Variants in RCAN3 observed in about 807,000 individuals in gnomAD.
RCAN3 encodes the protein regulator of calcineurin 3, also known as calcipressin-3.
Under a neutral mutation model 21.9 loss-of-function variants are expected in RCAN3, and 19 were observed. That is an observed-to-expected ratio of 0.87 (90% CI 0.61 to 1.27). The LOEUF (loss-of-function observed/expected upper bound fraction) is 1.27. Among genes scored for constraint, RCAN3 ranks in the 50% most tolerant of loss-of-function variants. The pLI, the probability that RCAN3 is intolerant of heterozygous loss-of-function variation, is 0.00. For missense variants in RCAN3, 240 were observed against 300.1 expected (o/e 0.80, Z 1.48); for synonymous variants, 114 against 112.3 (o/e 1.01, Z -0.09).
rs1647203813 is a variant in RCAN3, at chr1:24,502,955, CTGCTGCAGGCGG to C, written c.-254_-243del. ...CGTCGAGGGCGTGGCGGCGAGGCTGCTGCTGCAGGCGGCTCCCGGCTCTGCCTTCGGCCCCGC... is the reference window on the plus strand; with the variant it reads ...CGTCGAGGGCGTGGCGGCGAGGCTGCCTCCCGGCTCTGCCTTCGGCCCCGC... On this transcript the variant is annotated 5_prime_UTR_variant, in exon 1 of 5. Transcript: ENST00000374395. The C allele has an allele frequency of 6.7e-6, 1 of 149,824 alleles. No individual in the cohort carries two copies. Among genetic ancestry groups the C allele is most frequent in the Admixed American group, 6.6e-5 (1 of 15,080 alleles). The allele number at this position is 149,824 out of a possible 1,614,324, so 9.3% of individuals were successfully genotyped here.
intron 2 of RCAN3, among the ~76,000 whole-genome samples, chr1:24,530,507 GA>G (rs1237381350): frequency 6.6e-6 from 1 of 151,844 alleles, no homozygotes; most frequent in Non-Finnish European, 1.5e-5. Flanking sequence ...AAACTCTAAA[GA>G]AAAGCAAGGG....
intron 2 of RCAN3, among the ~76,000 whole-genome samples, chr1:24,521,646 G>A (rs112980209): frequency 0.15 from 22,845 of 151,996 alleles, 1,822 homozygotes; most frequent in African/African-American, 0.18. Flanking sequence ...TCAGGAGTTC[G>A]AGACCAGCCT....
rs1220650035 is a variant in RCAN3 at position 24,535,190 on chromosome 1, C to T, written c.639C>T (p.Asn213=). 3.1e-6 allele frequency: 5 copies of T among 1,594,744 alleles called. No individual in the cohort carries two copies. The highest frequency in any genetic ancestry group is 3.6e-5 in the Admixed American group (2 of 55,434). Residue 213 remains asparagine, a synonymous_variant, in exon 5 of 5, where the codon AAC becomes AAT. Coordinates refer to ENST00000374395, the MANE Select transcript of RCAN3 (RefSeq NM_013441.4). The part of the protein sequence containing the change: ...SETEEEEETK[N]PKQKIAQTRR... ...CTGAAGAGGAAGAAGAGACAAAAAA[C>T]CCCAAACAGAAAATTGCCCAGACGA...
intron 2 of RCAN3, among the ~76,000 whole-genome samples, chr1:24,523,753 A>G (rs1570469862): frequency 6.6e-6 from 1 of 151,918 alleles, no homozygotes; most frequent in African/African-American, 2.4e-5. Context: ...GCAAGCCACC[A>G]TGCCTGGCCA....
At chr1:24,534,048 T>C (rs1650013837) in intron 4 of RCAN3, among the ~76,000 whole-genome samples, 1 of 152,218 alleles carries the variant, frequency 6.6e-6, no homozygotes, top group Non-Finnish European at 1.5e-5. Flanking sequence ...ATTTCCTTTT[T>C]CCTTCTCTTT....
chr1:24,523,982 T>C (rs958835507), intron 2 of RCAN3, among the ~76,000 whole-genome samples: 21 of 152,144 alleles, frequency 1.4e-4, no homozygotes, highest in African/African-American at 5.1e-4. Context: ...TCCCAGCACT[T>C]TGGGAGGCCG....
rs1157561847 is a variant in RCAN3, at chr1:24,535,912, T to C, written c.*635T>C. ...CTTACGACACAGATCCACCCACATG[T>C]TGCTCTTATCTGGAATTTGGGACAA... On this transcript the variant is annotated 3_prime_UTR_variant, in exon 5 of 5. Coordinates refer to ENST00000374395, the MANE Select transcript of RCAN3 (RefSeq NM_013441.4). The C allele has an allele frequency of 6.6e-6, 1 of 152,186 alleles. No homozygotes were observed. Among genetic ancestry groups the C allele is most frequent in the Non-Finnish European group, 1.5e-5 (1 of 68,032 alleles). The allele number at this position is 152,186 out of a possible 1,614,324, so 9.4% of individuals were successfully genotyped here.
In RCAN3 at chr1:24,533,163, A is replaced by G; in HGVS notation, c.450A>G (p.Pro150=). ...TCAAGCAGTTCCTCATCTCCCCTCC[A>G]GCCTCTCCCCCGGTGGGGTGGAAGC... ...QPVKQFLISP[P]ASPPVGWKQS... is the part of the protein sequence containing the mutation. Residue 150 remains proline (P), a synonymous_variant, in exon 4 of 5, where the codon CCA becomes CCG. Coordinates refer to ENST00000374395, the MANE Select transcript of RCAN3 (RefSeq NM_013441.4). 1.2e-6 allele frequency: 2 copies of G among 1,606,024 alleles called. No individual in the cohort carries two copies.
chr1:24,526,282 G>C (rs1213625660), intron 2 of RCAN3, among the ~76,000 whole-genome samples: 2 of 152,030 alleles, frequency 1.3e-5, no homozygotes. Flanking sequence ...TGTAGAGATG[G>C]GGTCTTGCAG....
chr1:24,522,040 A>G (rs1220057888), intron 2 of RCAN3, among the ~76,000 whole-genome samples: 1 of 152,206 alleles, frequency 6.6e-6, no homozygotes. Flanking sequence ...ACATTTAAAA[A>G]TGGTTAAATG....
intron 2 of RCAN3, among the ~76,000 whole-genome samples, chr1:24,527,906 AT>A (rs10713503): frequency 0.069 from 10,518 of 152,142 alleles, 1,173 homozygotes; most frequent in African/African-American, 0.23. Context: ...TGGGAAAATA[AT>A]TTTTTTCTCA....
intron 2 of RCAN3, among the ~76,000 whole-genome samples, chr1:24,522,450 G>A (rs1215166515): frequency 6.6e-6 from 1 of 152,188 alleles, no homozygotes; most frequent in African/African-American, 2.4e-5. Context: ...ACTAAACCCG[G>A]TGAATAAGCT....
chr1:24,515,843 C>T (rs1648272750), intron 2 of RCAN3, among the ~76,000 whole-genome samples: 1 of 151,996 alleles, frequency 6.6e-6, no homozygotes, highest in South Asian at 2.1e-4. Flanking sequence ...ATCTTAGTGC[C>T]TTTAGAAACA....
At chr1:24,507,312 T>C (rs1165371274) in intron 1 of RCAN3, among the ~76,000 whole-genome samples, 1 of 152,230 alleles carries the variant, frequency 6.6e-6, no homozygotes, top group Non-Finnish European at 1.5e-5. Flanking sequence ...CCCCATTCTT[T>C]TCCTCCTGAA....
intron 2 of RCAN3, among the ~76,000 whole-genome samples, chr1:24,517,085 T>TG (rs1648392513): frequency 8.9e-5 from 5 of 56,354 alleles, no homozygotes; most frequent in East Asian, 1.8e-3. Context: ...TATTTTTTTG[T>TG]TTTTTTTTGT....
chr1:24,508,271 A>G (rs940951253), intron 1 of RCAN3, among the ~76,000 whole-genome samples: 3 of 152,250 alleles, frequency 2.0e-5, no homozygotes, highest in African/African-American at 4.8e-5. Context: ...TCTTGGGGAC[A>G]TGGTACTTTT....
At chr1:24,510,384 C>G (rs1311064726) in intron 1 of RCAN3, among the ~76,000 whole-genome samples, 1 of 152,242 alleles carries the variant, frequency 6.6e-6, no homozygotes, top group East Asian at 1.9e-4. Context: ...CCACCTTCAT[C>G]AATGACCTTA....
intron 1 of RCAN3, among the ~76,000 whole-genome samples, chr1:24,512,220 A>G (rs1647948435): frequency 6.6e-6 from 1 of 152,048 alleles, no homozygotes. Context: ...ATGGTAGCAC[A>G]TGCCTGTAGT....
Position 24,537,278 on chromosome 1 carries a change from T to A in RCAN3, c.*2001T>A, listed in dbSNP as rs1570495898. On this transcript the variant is annotated 3_prime_UTR_variant, in exon 5 of 5. Coordinates refer to ENST00000374395, the MANE Select transcript of RCAN3 (RefSeq NM_013441.4). ...TTACAGTGCTTTTCTATTTTTTTTT[T>A]GAGAGCCTTGAATAAATTGAAGAAA... 1 of 152,086 alleles carries A rather than the reference T, an allele frequency of 6.6e-6. No homozygotes were observed. The highest frequency in any genetic ancestry group is 2.1e-4 in the South Asian group (1 of 4,832). The allele number at this position is 152,086 out of a possible 1,614,324, so 9.4% of individuals were successfully genotyped here. A position where few individuals can be genotyped will look rare whatever the true frequency, so the allele number is the denominator to read the frequency against.
Sources: gnomAD v4.1 joint callset for allele counts (sites outside exome capture counted in the v4.1 genomes callset) on GRCh38, gnomAD v4.1.1 for gene constraint, MANE v1.5 for transcripts, NCBI Gene and HGNC (gene_info 2026-07-23, HGNC 2026-07-21) for gene names.